Variants in SRPRA observed in about 807,000 individuals in gnomAD.
The protein encoded by SRPRA is signal recognition particle receptor subunit alpha.
A neutral mutation model predicts 61.1 loss-of-function variants in SRPRA; 30 were observed. The ratio of observed to expected loss-of-function variants is 0.49; its 90% CI spans 0.37 to 0.67. The LOEUF is 0.67. SRPRA is among the 30% of genes least tolerant of loss of function. SRPRA has a pLI of 0.00. For missense variants in SRPRA, 759 were observed against 828.4 expected (o/e 0.92, Z 1.03); for synonymous variants, 324 against 299.7 (o/e 1.08, Z -0.84).
chr11:126,244,394 AAT>A, the SRPRA span, among the ~76,000 whole-genome samples: 3 of 152,260 alleles, frequency 2.0e-5, no homozygotes, highest in Admixed American at 2.0e-4. This position sits in a 1 kb window ranked among gnomAD's most constrained non-coding sequence, Gnocchi z 4.5. Flanking sequence ...ATCCGGGATC[AAT>A]ATATAAAAAT....
At chr11:126,237,704 AAAAT>A in the SRPRA span, among the ~76,000 whole-genome samples, 8 of 81,398 alleles carry the variant, frequency 9.8e-5, no homozygotes, top group East Asian at 1.4e-3. Context: ...AAAAAAAAAA[AAAAT>A]TAGCGGGGCG....
At chr11:126,236,917 CTT>C in the SRPRA span, among the ~76,000 whole-genome samples, 4,410 of 68,438 alleles carry the variant, frequency 0.064, 120 homozygotes, top group East Asian at 0.23. Context: ...TTCACAGATG[CTT>C]TTTTTTTTTT....
At chr11:126,251,740 T>C in the SRPRA span, among the ~76,000 whole-genome samples, 49 of 152,110 alleles carry the variant, frequency 3.2e-4, no homozygotes, top group Non-Finnish European at 6.3e-4. Flanking sequence ...GCTTTTTTTT[T>C]TTTTTTTTGA....
Position 126,267,131 on chromosome 11 carries a change from T to C in SRPRA, c.526+44A>G, listed in dbSNP as rs370173810. On this transcript the variant is annotated intron_variant, in intron 4 of 13. Coordinates refer to ENST00000332118, the MANE Select transcript of SRPRA (RefSeq NM_003139.4). The surrounding 1 kb of genome is among the most constrained non-coding windows in gnomAD (Gnocchi z 4.2). ...ACCACCTCAGTCCTTAGCACCGTGT[T>C]AACACCTTTCATGTCCCAGTATATC... 1 of 1,612,000 alleles carries C rather than the reference T, an allele frequency of 6.2e-7. No individual in the cohort carries two copies. Among genetic ancestry groups the C allele is most frequent in the African/African-American group, 1.3e-5 (1 of 74,704 alleles).
At position 126,266,919 on chromosome 11, in the gene SRPRA, G is replaced by T. The variant is rs1480530698; in HGVS notation, c.530C>A (p.Ser177Tyr). The change falls in exon 5 of 14, where the codon TCT (serine) becomes TAT (tyrosine). Residue 177 changes from serine to tyrosine, a missense_variant. Coordinates refer to ENST00000332118, the MANE Select transcript of SRPRA (RefSeq NM_003139.4). ...SKKKGAKKEGSDGPLATSKPV... is the reference protein window; with the variant it reads ...SKKKGAKKEGYDGPLATSKPV... Reference sequence around the variant, plus strand: ...TTTGCTGGTAGCCAAAGGACCATCAGAACCTGTTGGGGAAAAAACTCACTG... The same window carrying T: ...TTTGCTGGTAGCCAAAGGACCATCATAACCTGTTGGGGAAAAAACTCACTG... The T allele has an allele frequency of 1.2e-6, 2 of 1,612,214 alleles. No individual in the cohort carries two copies. The highest frequency in any genetic ancestry group is 2.7e-5 in the African/African-American group (2 of 74,726).
At chr11:126,259,966 C>T (rs540983820), downstream of SRPRA, among the ~76,000 whole-genome samples, 1 of 152,084 alleles carries the variant, frequency 6.6e-6, no homozygotes, top group Non-Finnish European at 1.5e-5. Flanking sequence ...GTGATCCACC[C>T]ACCTCAGCCT....
At chr11:126,268,149 G>A (rs1950859831) in intron 1 of SRPRA, 63 bp from the exon 2 acceptor site, 9 of 1,473,120 alleles carry the variant, frequency 6.1e-6, no homozygotes, top group South Asian at 2.3e-5. Context: ...TGGGCCCTGG[G>A]TTTGGATAAC....
Position 126,267,228 on chromosome 11 carries a change from T to C in SRPRA, c.473A>G (p.Glu158Gly). The change falls in exon 4 of 14, where the codon GAA becomes GGA. Residue 158 changes from glutamate (E) to glycine (G), a missense_variant. Coordinates refer to ENST00000332118, the MANE Select transcript of SRPRA (RefSeq NM_003139.4). This position sits in a 1 kb window ranked among gnomAD's most constrained non-coding sequence, Gnocchi z 4.2. ...ATTCTTTGCTTTTTCCTTGGGCTTT[T>C]CCCCCCGTGTCTCAATCATGGACCT... ...PVRSMIETRG[E>G]KPKEKAKNSK... 2 of 1,614,110 alleles carry C rather than the reference T, an allele frequency of 1.2e-6. No homozygotes were observed. Among genetic ancestry groups the C allele is most frequent in the African/African-American group, 1.3e-5 (1 of 75,006 alleles).
Position 126,266,008 on chromosome 11 carries a change from C to T in SRPRA, c.1006G>A (p.Glu336Lys), listed in dbSNP as rs746472608. ...TTGTCCAGCACAGATTCCATGTCTT[C>T]ACGACTCAAGCTCTTTGAACCCACA... ...GLVGSKSLSR[E>K]DMESVLDKMR... Residue 336 changes from glutamate (E) to lysine (K), a missense_variant, in exon 8 of 14, where the codon GAA becomes AAA. Transcript: ENST00000332118. 1.2e-6 allele frequency: 2 copies of T among 1,614,208 alleles called. No homozygotes were observed. Among genetic ancestry groups the T allele is most frequent in the Non-Finnish European group, 1.7e-6 (2 of 1,180,048 alleles).
Position 126,267,861 on chromosome 11 carries a change from C to T in SRPRA, c.201+142G>A, listed in dbSNP as rs920726628. ...GGCAGCCAAGCTCCCTGCCTGGGCC[C>T]AGTAGCTGCTGTTTTCCCCCATCTA... On this transcript the variant is annotated intron_variant, in intron 2 of 13. Transcript: ENST00000332118. The surrounding 1 kb of genome is among the most constrained non-coding windows in gnomAD (Gnocchi z 4.2). The T allele has an allele frequency of 7.3e-7, 1 of 1,371,570 alleles. No individual in the cohort carries two copies. The highest frequency in any genetic ancestry group is 1.3e-5 in the South Asian group (1 of 76,972). The allele number at this position is 1,371,570 out of a possible 1,614,324, so 85.0% of individuals were successfully genotyped here.
chr11:126,237,851 G>A, the SRPRA span, among the ~76,000 whole-genome samples: 14,784 of 132,414 alleles, frequency 0.11, 1,047 homozygotes, highest in Non-Finnish European at 0.16. Flanking sequence ...GCTAGACTCC[G>A]TCTCCAAAAA....
chr11:126,250,195 CAT>C, the SRPRA span, among the ~76,000 whole-genome samples: 1 of 151,716 alleles, frequency 6.6e-6, no homozygotes, highest in African/African-American at 2.4e-5. This position sits in a 1 kb window ranked among gnomAD's most constrained non-coding sequence, Gnocchi z 5.1. Flanking sequence ...GGGTTCACAC[CAT>C]TCTCCTGCCT....
the SRPRA span, among the ~76,000 whole-genome samples, chr11:126,243,631 C>T: frequency 3.4e-4 from 51 of 152,154 alleles, no homozygotes; most frequent in Non-Finnish European, 5.4e-4. Context: ...AGGCCAGGTG[C>T]GGTGGCTCAC....
Position 126,264,108 on chromosome 11 carries a change from AG to A in SRPRA, c.1789-65del. On this transcript the variant is annotated intron_variant, in intron 13 of 13. Coordinates refer to ENST00000332118, the MANE Select transcript of SRPRA (RefSeq NM_003139.4). The surrounding 1 kb of genome is among the most constrained non-coding windows in gnomAD (Gnocchi z 5.0). Reference sequence around the variant, plus strand: ...ACTTTTCACTCACCCTCTCAGGAACAGGAAGCGCTGGAGCCAAGATTTCCTT... The same window carrying A: ...ACTTTTCACTCACCCTCTCAGGAACAGAAGCGCTGGAGCCAAGATTTCCTT... The A allele has an allele frequency of 6.2e-7, 1 of 1,613,098 alleles. No homozygotes were observed. The highest frequency in any genetic ancestry group is 8.5e-7 in the Non-Finnish European group (1 of 1,179,378).
Position 126,264,492 on chromosome 11 carries a change from T to G in SRPRA, c.1573A>C (p.Met525Leu), listed in dbSNP as rs1950766770. 6.2e-7 allele frequency: 1 copy of G among 1,613,912 alleles called. No homozygotes were observed. The highest frequency in any genetic ancestry group is 8.5e-7 in the Non-Finnish European group (1 of 1,180,042). ...GTCATCAGAGGGGCATTGTCTTGCA[T>G]GCGGCCTGCCGTGTCCACCAGCACC... ...DVVLVDTAGR[M>L]QDNAPLMTAL... Residue 525 changes from methionine to leucine, a missense_variant, in exon 12 of 14, where the codon ATG (methionine) becomes CTG (leucine). Physicochemically the swap from Met to Leu is conservative, Grantham distance 15 (BLOSUM62 2). Coordinates refer to ENST00000332118, the MANE Select transcript of SRPRA (RefSeq NM_003139.4). This position sits in a 1 kb window ranked among gnomAD's most constrained non-coding sequence, Gnocchi z 5.0.
Position 126,264,297 on chromosome 11 carries a change from G to T in SRPRA, c.1690-8C>A, listed in dbSNP as rs372284529. ...GGCTCTGTTGAACTTGACCTGGAAA[G>T]AAAAAGTGATAGAAGTGTAAGAACC... On this transcript the variant is annotated splice_region_variant and splice_polypyrimidine_tract_variant and intron_variant, in intron 12 of 13. Transcript: ENST00000332118. This position sits in a 1 kb window ranked among gnomAD's most constrained non-coding sequence, Gnocchi z 5.0. 4 of 1,613,152 alleles carry T rather than the reference G, an allele frequency of 2.5e-6. No individual in the cohort carries two copies. The highest frequency in any genetic ancestry group is 3.4e-6 in the Non-Finnish European group (4 of 1,179,632).
chr11:126,242,147 T>C, the SRPRA span, among the ~76,000 whole-genome samples: 30 of 152,206 alleles, frequency 2.0e-4, no homozygotes, highest in Middle Eastern at 3.4e-3. Flanking sequence ...GTAAAACTCT[T>C]AGAAGAAAAT....
chr11:126,254,375 G>T, the SRPRA span: 2 of 1,614,234 alleles, frequency 1.2e-6, no homozygotes, highest in Non-Finnish European at 1.7e-6. Flanking sequence ...ACCAACCCTA[G>T]TGGCATTGTC....
downstream of SRPRA, among the ~76,000 whole-genome samples, chr11:126,260,113 C>T (rs1950657598): frequency 6.6e-6 from 1 of 151,808 alleles, no homozygotes; most frequent in Non-Finnish European, 1.5e-5. Context: ...CTCACCACAG[C>T]CTTGACCTCC....
Sources: allele counts gnomAD v4.1 joint callset (sites outside exome capture counted in the v4.1 genomes callset), GRCh38; gene constraint gnomAD v4.1.1; non-coding constraint Gnocchi (gnomAD v3.1); transcripts MANE v1.5; gene names NCBI Gene and HGNC (gene_info 2026-07-23, HGNC 2026-07-21).